SRPK2: variants seen among roughly 807,000 people sequenced by gnomAD.
SRPK2 encodes the protein SRSF protein kinase 2.
A neutral mutation model predicts 90.8 loss-of-function variants in SRPK2; 21 were observed. The ratio of observed to expected loss-of-function variants is 0.23; its 90% CI spans 0.16 to 0.33. The LOEUF is 0.33. Ranked by LOEUF, SRPK2 falls within the 10% of genes least tolerant of loss-of-function variation. SRPK2 has a pLI of 1.00. For synonymous variants in SRPK2, 288 were observed against 311.1 expected (o/e 0.93, Z 0.78); for missense variants, 620 against 869.0 (o/e 0.71, Z 3.60).
intron 2 of SRPK2, among the ~76,000 whole-genome samples, chr7:105,240,761 AT>A (rs1316707215): frequency 3.3e-5 from 5 of 152,080 alleles, no homozygotes; most frequent in Admixed American, 3.3e-4. Flanking sequence ...TTTACCATCA[AT>A]TTTTTTCTGT....
At chr7:105,241,184 C>G (rs73186026) in intron 2 of SRPK2, among the ~76,000 whole-genome samples, 221 of 152,276 alleles carry the variant, frequency 1.5e-3, no homozygotes, top group Non-Finnish European at 2.6e-3. Flanking sequence ...AGGTATATAA[C>G]AGGACTGTAA....
chr7:105,346,700 G>A (rs1034894672), intron 2 of SRPK2, among the ~76,000 whole-genome samples: 6 of 151,998 alleles, frequency 3.9e-5, no homozygotes, highest in Admixed American at 1.3e-4. Flanking sequence ...GGAGGTTGCA[G>A]TGAGCCAAGA....
chr7:105,290,967 A>G (rs1051930587), intron 2 of SRPK2, among the ~76,000 whole-genome samples: 9 of 142,428 alleles, frequency 6.3e-5, no homozygotes, highest in Non-Finnish European at 1.4e-4. Context: ...GAACCCGGGA[A>G]GCGGAGCTTG....
chr7:105,187,066 A>G (rs1370421998), intron 3 of SRPK2, among the ~76,000 whole-genome samples: 1 of 152,214 alleles, frequency 6.6e-6, no homozygotes, highest in Admixed American at 6.5e-5. Flanking sequence ...TGTCTTTTCT[A>G]AATTCTTGAT....
rs571045413 is a variant in SRPK2 at position 105,374,021 on chromosome 7, G to T, written c.71+14627C>A. Reference sequence around the variant, plus strand: ...TGGCTCCCTGCAACGTCTACCTCTTGTGTTCAATTGATTCTCCTGTCTCAG... The same window carrying T: ...TGGCTCCCTGCAACGTCTACCTCTTTTGTTCAATTGATTCTCCTGTCTCAG... On this transcript the variant is annotated intron_variant, in intron 2 of 15. Coordinates refer to ENST00000393651, the MANE Select transcript of SRPK2 (RefSeq NM_182692.3). Among the ~76,000 whole-genome samples the T allele has an allele frequency of 3.3e-5, 5 of 152,306 alleles. No homozygotes were observed. The East Asian group carries it at 9.7e-4, about 29-fold the overall frequency.
intron 2 of SRPK2, among the ~76,000 whole-genome samples, chr7:105,375,795 A>G (rs1820207102): frequency 1.3e-5 from 2 of 152,022 alleles, no homozygotes; most frequent in African/African-American, 4.8e-5. Context: ...TATGGCACCC[A>G]TATCATGTAT....
chr7:105,390,730 G>A (rs562729453), upstream of SRPK2, among the ~76,000 whole-genome samples: 76 of 149,622 alleles, frequency 5.1e-4, no homozygotes, highest in Non-Finnish European at 8.8e-4. Flanking sequence ...TAGGATTACA[G>A]GCCTGAGCCT....
intron 2 of SRPK2, among the ~76,000 whole-genome samples, chr7:105,285,896 T>C (rs1425916776): frequency 6.6e-6 from 1 of 152,194 alleles, no homozygotes; most frequent in Non-Finnish European, 1.5e-5. Flanking sequence ...GTTATAGCAA[T>C]GCAAGAACTG....
intron 2 of SRPK2, among the ~76,000 whole-genome samples, chr7:105,275,013 G>A (rs1239392973): frequency 6.6e-6 from 1 of 151,932 alleles, no homozygotes; most frequent in Admixed American, 6.6e-5. Context: ...TCAGCCTCCG[G>A]GATAGCTGGG....
upstream of SRPK2, among the ~76,000 whole-genome samples, chr7:105,393,782 C>T (rs565747422): frequency 2.8e-4 from 43 of 152,200 alleles, 1 homozygote; most frequent in South Asian, 3.7e-3. Context: ...AACATTTCTG[C>T]GCCAGATGTG....
upstream of SRPK2, among the ~76,000 whole-genome samples, chr7:105,391,674 C>CA (rs552141801): frequency 1.2e-4 from 17 of 147,662 alleles, no homozygotes; most frequent in South Asian, 2.1e-4. Flanking sequence ...GACCCCATCT[C>CA]AAAAAAAAAA....
chr7:105,285,986 A>T (rs1010926251), intron 2 of SRPK2, among the ~76,000 whole-genome samples: 5 of 152,248 alleles, frequency 3.3e-5, no homozygotes, highest in Non-Finnish European at 7.3e-5. Context: ...TTTGCTTTAC[A>T]TATAATAATT....
upstream of SRPK2, among the ~76,000 whole-genome samples, chr7:105,392,793 C>T (rs1435972618): frequency 7.3e-5 from 11 of 151,458 alleles, 1 homozygote; most frequent in Non-Finnish European, 1.6e-4. Context: ...CCACTATACC[C>T]AGACTTAAGT....
At chr7:105,321,654 C>T (rs1812953359) in intron 2 of SRPK2, among the ~76,000 whole-genome samples, 1 of 151,854 alleles carries the variant, frequency 6.6e-6, no homozygotes, top group Non-Finnish European at 1.5e-5. Flanking sequence ...AATAGAATCT[C>T]TCAAATAAAA....
intron 7 of SRPK2, among the ~76,000 whole-genome samples, chr7:105,158,460 G>A (rs1222152814): frequency 6.6e-6 from 1 of 152,074 alleles, no homozygotes; most frequent in East Asian, 1.9e-4. Context: ...TCACCATGCT[G>A]GCCAGGCTGG....
At chr7:105,270,841 A>G (rs1805741414) in intron 2 of SRPK2, among the ~76,000 whole-genome samples, 1 of 152,166 alleles carries the variant, frequency 6.6e-6, no homozygotes, top group South Asian at 2.1e-4. Flanking sequence ...TAATGAAATA[A>G]CCCATGAAAA....
chr7:105,158,439 G>A (rs1212930243), intron 7 of SRPK2, among the ~76,000 whole-genome samples: 2 of 152,150 alleles, frequency 1.3e-5, no homozygotes, highest in Admixed American at 6.5e-5. Flanking sequence ...GTTTTTAGTA[G>A]AGATGGGGTT....
At chr7:105,121,859 A>G (rs1159381301) in intron 15 of SRPK2, among the ~76,000 whole-genome samples, 1 of 152,242 alleles carries the variant, frequency 6.6e-6, no homozygotes, top group African/African-American at 2.4e-5. Flanking sequence ...AAATTGTCAT[A>G]TTCCAGAATT....
intron 3 of SRPK2, among the ~76,000 whole-genome samples, chr7:105,169,944 T>C (rs1173564122): frequency 6.6e-6 from 1 of 152,158 alleles, no homozygotes; most frequent in Non-Finnish European, 1.5e-5. Context: ...GCCTCCCAGG[T>C]AGCTGGAACT....
Sources: allele counts gnomAD v4.1 joint callset (sites outside exome capture counted in the v4.1 genomes callset), GRCh38; gene constraint gnomAD v4.1.1; transcripts MANE v1.5; gene names NCBI Gene and HGNC (gene_info 2026-07-23, HGNC 2026-07-21).